Variants in PROM1 observed in about 807,000 individuals in gnomAD.
PROM1 encodes the protein prominin 1.
Under a neutral mutation model 116.9 loss-of-function variants are expected in PROM1, and 105 were observed. That is an observed-to-expected ratio of 0.90 (90% CI 0.77 to 1.06). PROM1 has a LOEUF of 1.06. PROM1 is among the 50% of genes least tolerant of loss of function. The probability of loss-of-function intolerance (pLI) is 0.00; values close to 1 mark genes in which losing one functional copy is unlikely to be tolerated. For missense variants in PROM1, 1,122 were observed against 1,045.2 expected, an observed-to-expected ratio of 1.07 and a Z score of -1.01; for synonymous variants, 393 against 387.0, an observed-to-expected ratio of 1.02 and a Z score of -0.18.
chr4:15,994,003 T>A lies in PROM1; in HGVS notation c.1751A>T (p.His584Leu), dbSNP rs140027620. The change falls in exon 16 of 28, where the codon CAT becomes CTT. Residue 584 changes from histidine (H) to leucine (L), a missense_variant. By Grantham distance (99) the His-to-Leu change is moderately conservative (BLOSUM62 -3). Coordinates refer to ENST00000447510, the MANE Select transcript of PROM1 (RefSeq NM_006017.3). ...TCTAATTACCTCATTAATGTTGAGA[T>A]GTTCACTGATATTGAAGCTGTTCTG... ...HLQNSFNISE[H>L]LNINEHTGSI... is the part of the protein sequence containing the mutation. 1.2e-6 allele frequency: 2 copies of A among 1,613,868 alleles called. No homozygotes were observed. Among genetic ancestry groups the A allele is most frequent in the African/African-American group, 1.3e-5 (1 of 74,942 alleles).
intron 23 of PROM1, among the ~76,000 whole-genome samples, chr4:15,981,441 G>A (rs1477103369): frequency 6.6e-6 from 1 of 151,824 alleles, no homozygotes; most frequent in Non-Finnish European, 1.5e-5. Context: ...GCATGGTGGT[G>A]TGTGCCTGTA....
intron 13 of PROM1, 81 bp downstream of exon 13, chr4:16,006,457 G>C (rs757392190): frequency 5.5e-6 from 8 of 1,448,528 alleles, no homozygotes; most frequent in Non-Finnish European, 6.4e-6. Flanking sequence ...GAGGGCGCCG[G>C]GTTCATGTAA....
intron 2 of PROM1, among the ~76,000 whole-genome samples, chr4:16,073,880 T>C (rs554917286): frequency 6.6e-6 from 1 of 151,696 alleles, no homozygotes; most frequent in South Asian, 2.1e-4. Flanking sequence ...CTTTTCCTTA[T>C]TAAAAAAAAA....
At chr4:15,971,380 AAGACATT>A in intron 26 of PROM1, 1 of 324,968 alleles carries the variant, frequency 3.1e-6, no homozygotes, top group Non-Finnish European at 5.7e-6. Flanking sequence ...ATACGTGTTG[AAGACATT>A]AGACCAGCAG....
At chr4:16,027,539 TC>T (rs1731634602) in intron 5 of PROM1, among the ~76,000 whole-genome samples, 1 of 152,090 alleles carries the variant, frequency 6.6e-6, no homozygotes, top group Non-Finnish European at 1.5e-5. Context: ...CCAGTCCAAG[TC>T]CACTTTCACT....
Position 16,025,223 on chromosome 4 carries a change from T to C in PROM1, c.599A>G (p.Asp200Gly), listed in dbSNP as rs765051915. 6.2e-7 allele frequency: 1 copy of C among 1,613,928 alleles called. No homozygotes were observed. Residue 200 changes from aspartate to glycine, a missense_variant, in exon 6 of 28, where the codon GAC becomes GGC. Transcript: ENST00000447510. The part of the protein sequence containing the change: ...SRKLADSNFK[D>G]LRTLLNETPE... ...AGTTTCATTCAAGAGAGTTCGCAAG[T>C]CCTTGAAATTGCTATCTGCCAGTTT...
intron 8 of PROM1, among the ~76,000 whole-genome samples, 160 bp from the exon 9 acceptor site, chr4:16,018,700 G>A (rs769399420): frequency 2.0e-5 from 3 of 152,148 alleles, no homozygotes; most frequent in South Asian, 2.1e-4. Flanking sequence ...CAGGAGCATC[G>A]CTAGGCTGCT....
intron 15 of PROM1, among the ~76,000 whole-genome samples, chr4:15,994,974 T>A (rs1721951734): frequency 6.6e-6 from 1 of 152,192 alleles, no homozygotes; most frequent in Non-Finnish European, 1.5e-5. Context: ...GGAGCTAGCA[T>A]GCCAGGCTGA....
chr4:16,064,255 T>C (rs1415954896), intron 2 of PROM1, among the ~76,000 whole-genome samples: 1 of 152,178 alleles, frequency 6.6e-6, no homozygotes, highest in Non-Finnish European at 1.5e-5. Flanking sequence ...CACACAATGG[T>C]ATATTCACAC....
intron 2 of PROM1, among the ~76,000 whole-genome samples, chr4:16,061,532 C>T (rs1284880887): frequency 6.6e-6 from 1 of 152,254 alleles, no homozygotes; most frequent in African/African-American, 2.4e-5. Context: ...GACCAGATGA[C>T]ATGGACATCA....
intron 12 of PROM1, 62 bp downstream of exon 12, chr4:16,008,887 T>G: frequency 6.9e-7 from 1 of 1,450,374 alleles, no homozygotes; most frequent in Non-Finnish European, 9.4e-7. Context: ...TAATGTCAGA[T>G]TTTTATCTCG....
chr4:16,027,481 C>T (rs1477635194), intron 5 of PROM1, among the ~76,000 whole-genome samples: 1 of 152,102 alleles, frequency 6.6e-6, no homozygotes, highest in Non-Finnish European at 1.5e-5. Flanking sequence ...TTTATTCACT[C>T]GTCAGATTCC....
chr4:16,043,306 C>T (rs1178718654), intron 2 of PROM1, among the ~76,000 whole-genome samples: 1 of 152,166 alleles, frequency 6.6e-6, no homozygotes, highest in Non-Finnish European at 1.5e-5. Context: ...CTTGGCTTTT[C>T]CTGCTTTTTG....
At chr4:16,048,861 T>C (rs749858719) in intron 2 of PROM1, among the ~76,000 whole-genome samples, 3 of 152,182 alleles carry the variant, frequency 2.0e-5, no homozygotes, top group Non-Finnish European at 4.4e-5. Flanking sequence ...TTTACCTGGA[T>C]GTAGCATGTG....
At chr4:16,065,889 A>C (rs1741414772) in intron 2 of PROM1, among the ~76,000 whole-genome samples, 1 of 152,208 alleles carries the variant, frequency 6.6e-6, no homozygotes, top group Non-Finnish European at 1.5e-5. Context: ...GACATAATTA[A>C]GTATCTTGAG....
intron 2 of PROM1, among the ~76,000 whole-genome samples, chr4:16,043,428 G>A (rs1017047046): frequency 1.3e-5 from 2 of 152,202 alleles, no homozygotes; most frequent in African/African-American, 2.4e-5. Flanking sequence ...AGCCTCCAGA[G>A]TAGCTGGGAC....
Position 16,035,749 on chromosome 4 carries a change from T to C in PROM1, c.289A>G (p.Ile97Val). 6.2e-7 allele frequency: 1 copy of C among 1,613,616 alleles called. No homozygotes were observed. The highest frequency in any genetic ancestry group is 8.5e-7 in the Non-Finnish European group (1 of 1,179,628). The part of the protein sequence containing the change: ...KIDYDKPETV[I>V]LGLKIVYYEA... ...AAGGACTTTACCTTTAGACCTAAGATTACAGTTTCTGGCTGTAGAAGTCAA... is the reference window on the plus strand; with the variant it reads ...AAGGACTTTACCTTTAGACCTAAGACTACAGTTTCTGGCTGTAGAAGTCAA... The change falls in exon 4 of 28, where the codon ATC (isoleucine) becomes GTC (valine). Residue 97 changes from isoleucine (I) to valine (V), a missense_variant. By Grantham distance (29) the Ile-to-Val change is conservative. Transcript: ENST00000447510.
At chr4:16,005,386 A>G (rs949993825) in intron 13 of PROM1, among the ~76,000 whole-genome samples, 1 of 152,094 alleles carries the variant, frequency 6.6e-6, no homozygotes. Flanking sequence ...CTAGTTTGTA[A>G]AGGCCTATAC....
rs186758416 is a variant in PROM1 at position 16,015,117 on chromosome 4, G to A, written c.1077+1049C>T. 4.5e-4 allele frequency among the ~76,000 whole-genome samples: 69 copies of A among 152,156 alleles called. 2 individuals carry two copies. Among genetic ancestry groups the A allele is most frequent in the African/African-American group, 1.5e-3 (64 of 41,524 alleles). ...TCCCAGCACTTTGGGAGGCCGAGGCGGGTGGGTCACCTGAGGTCAGGAATT... is the reference window on the plus strand; with the variant it reads ...TCCCAGCACTTTGGGAGGCCGAGGCAGGTGGGTCACCTGAGGTCAGGAATT... On this transcript the variant is annotated intron_variant, in intron 10 of 27. Coordinates refer to ENST00000447510, the MANE Select transcript of PROM1 (RefSeq NM_006017.3).
Sources: gnomAD v4.1 joint callset for allele counts (sites outside exome capture counted in the v4.1 genomes callset) on GRCh38, gnomAD v4.1.1 for gene constraint, MANE v1.5 for transcripts, NCBI Gene and HGNC (gene_info 2026-07-23, HGNC 2026-07-21) for gene names.